RPTOR: variants seen among roughly 807,000 people sequenced by gnomAD.
The protein encoded by RPTOR is regulatory-associated protein of mTOR.
A neutral mutation model predicts 169.9 loss-of-function variants in RPTOR; 21 were observed. That is an observed-to-expected ratio of 0.12 (90% confidence interval 0.09 to 0.18). The LOEUF is 0.18. Ranked by LOEUF, RPTOR falls within the 10% of genes least tolerant of loss-of-function variation. RPTOR has a pLI of 1.00. For missense variants in RPTOR, 1,133 were observed against 1,855.9 expected (o/e 0.61, Z 7.16); for synonymous variants, 732 against 753.2 (o/e 0.97, Z 0.46).
At chr17:80,805,624 A>G (rs979683751) in intron 7 of RPTOR, 5 of 152,192 alleles carry the variant, frequency 3.3e-5, no homozygotes, top group Non-Finnish European at 1.5e-5. Flanking sequence ...GTGCTTCAAA[A>G]ATAAACATGG....
chr17:80,743,730 G>GC (rs1461556410), intron 5 of RPTOR, among the ~76,000 whole-genome samples: 1 of 139,500 alleles, frequency 7.2e-6, no homozygotes, highest in African/African-American at 2.8e-5. Context: ...TACGAGCACA[G>GC]CCCTGGCTAC....
chr17:80,842,697 G>A (rs148056518), intron 10 of RPTOR, among the ~76,000 whole-genome samples: 336 of 152,290 alleles, frequency 2.2e-3, no homozygotes, highest in Non-Finnish European at 3.8e-3. Context: ...CCGGCTTTTG[G>A]TATCCTGTTT....
At chr17:80,548,334 G>A (rs144651097) in intron 1 of RPTOR, among the ~76,000 whole-genome samples, 3 of 146,580 alleles carry the variant, frequency 2.0e-5, no homozygotes, top group East Asian at 4.0e-4. Context: ...AAAATGCTAG[G>A]ATTACAGGCA....
At chr17:80,634,567 CATACTGTGTGTGTGT>C (rs2065480995) in intron 2 of RPTOR, among the ~76,000 whole-genome samples, 1 of 97,846 alleles carries the variant, frequency 1.0e-5, no homozygotes, top group Non-Finnish European at 2.0e-5. Context: ...TGTGTGTGTG[CATACTGTGTGTGTGT>C]GCGTACTGTG....
intron 10 of RPTOR, among the ~76,000 whole-genome samples, chr17:80,840,654 AC>A (rs2067627390): frequency 1.1e-4 from 4 of 35,948 alleles, no homozygotes; most frequent in Admixed American, 4.2e-4. Flanking sequence ...GCTCACTCTC[AC>A]CACACCACAG....
chr17:80,665,438 CTTT>C (rs2065763767), intron 3 of RPTOR, among the ~76,000 whole-genome samples: 1 of 18,162 alleles, frequency 5.5e-5, no homozygotes, highest in Admixed American at 4.7e-4. Context: ...CTTTCCTTTC[CTTT>C]CCTTTCCTTT....
In RPTOR at chr17:80,947,127, G is replaced by GT; in HGVS notation, c.3141-94dup. 1.6e-6 allele frequency: 2 copies of GT among 1,252,886 alleles called. No homozygotes were observed. Among genetic ancestry groups the GT allele is most frequent in the Non-Finnish European group, 2.1e-6 (2 of 938,620 alleles). 77.6% of individuals were successfully genotyped at this position (1,252,886 alleles called of 1,614,324 possible). A position where few individuals can be genotyped will look rare whatever the true frequency, so the allele number is the denominator to read the frequency against. ...CCGCCGTGCCCGGCTGTGGTGTGTG[G>GT]TTTTTTGATAGCAGCCCGGTGGGTT... On this transcript the variant is annotated intron_variant, in intron 26 of 33. Coordinates refer to ENST00000306801, the MANE Select transcript of RPTOR (RefSeq NM_020761.3). The surrounding 1 kb of genome is among the most constrained non-coding windows in gnomAD (Gnocchi z 4.4).
At chr17:80,704,169 C>G (rs191112742) in intron 3 of RPTOR, among the ~76,000 whole-genome samples, 46 of 152,330 alleles carry the variant, frequency 3.0e-4, no homozygotes, top group Non-Finnish European at 6.0e-4. Flanking sequence ...CTAGCTACCT[C>G]TACTTCAGAC....
intron 5 of RPTOR, among the ~76,000 whole-genome samples, chr17:80,752,989 T>C (rs1003656171): frequency 5.3e-5 from 8 of 152,108 alleles, no homozygotes; most frequent in Admixed American, 3.3e-4. Context: ...ACAAGTCTCA[T>C]TGAAATAAAT....
chr17:80,602,023 G>C (rs1489941962), intron 1 of RPTOR, among the ~76,000 whole-genome samples: 1 of 36,240 alleles, frequency 2.8e-5, no homozygotes, highest in Non-Finnish European at 5.7e-5. Context: ...CACCTTTCCC[G>C]CCTTTCTATT....
In RPTOR at chr17:80,923,481, C is replaced by T. The variant is rs745953683; in HGVS notation, c.2625-9C>T. 4.6e-5 allele frequency: 75 copies of T among 1,613,634 alleles called. No individual in the cohort carries two copies. Among genetic ancestry groups the T allele is most frequent in the Non-Finnish European group, 6.2e-5 (73 of 1,179,972 alleles). On this transcript the variant is annotated splice_polypyrimidine_tract_variant and intron_variant, in intron 22 of 33. Coordinates refer to ENST00000306801, the MANE Select transcript of RPTOR (RefSeq NM_020761.3). ...GAGGATGCAGTGTTTGTTTTTCTTC[C>T]AATGGCAGGGGCTCCCCTCCGGCGT...
rs1316709955 is a variant in RPTOR at position 80,879,101 on chromosome 17, C to T, written c.1510-1314C>T. 2.6e-5 allele frequency among the ~76,000 whole-genome samples: 4 copies of T among 152,292 alleles called. No homozygotes were observed. The South Asian group carries it at 6.2e-4, about 24-fold the overall frequency. ...CGGCTGTGCGCGCCCCGGAGCAGCC[C>T]TGCTTGTGTCTCATCATCGATGCCT... On this transcript the variant is annotated intron_variant, in intron 13 of 33. Coordinates refer to ENST00000306801, the MANE Select transcript of RPTOR (RefSeq NM_020761.3).
In RPTOR at chr17:80,966,177, C is replaced by T. The variant is rs1243347003; in HGVS notation, c.*1847C>T. On this transcript the variant is annotated 3_prime_UTR_variant, in exon 34 of 34. Transcript: ENST00000306801. The stretch of plus-strand genomic sequence containing the variant: ...CCCCATGGGCACCGCGTGCCGCCTG[C>T]ACGTGGGCTGTCTTCACAGGTCTGA... The T allele has an allele frequency of 4.4e-6, 1 of 225,856 alleles. No individual in the cohort carries two copies. The highest frequency in any genetic ancestry group is 8.8e-6 in the Non-Finnish European group (1 of 113,474). 14.0% of individuals were successfully genotyped at this position (225,856 alleles called of 1,614,324 possible). A position where few individuals can be genotyped will look rare whatever the true frequency, so the allele number is the denominator to read the frequency against.
rs1008397341 is a variant in RPTOR at position 80,754,964 on chromosome 17, G to C, written c.830+779G>C. Among the ~76,000 whole-genome samples, 1 of 152,168 alleles carries C rather than the reference G, an allele frequency of 6.6e-6. No individual in the cohort carries two copies. The highest frequency in any genetic ancestry group is 2.4e-5 in the African/African-American group (1 of 41,436). On this transcript the variant is annotated intron_variant, in intron 6 of 33. Coordinates refer to ENST00000306801, the MANE Select transcript of RPTOR (RefSeq NM_020761.3). This position sits in a 1 kb window ranked among gnomAD's most constrained non-coding sequence, Gnocchi z 4.2. ...CACTCTTGAGGCTTCTGTCAAGATG[G>C]CCTAACACTCTAGACAAGTCTCCTG...
intron 3 of RPTOR, among the ~76,000 whole-genome samples, chr17:80,694,455 T>A (rs910948155): frequency 2.6e-5 from 4 of 152,168 alleles, no homozygotes; most frequent in African/African-American, 9.7e-5. Context: ...GGAGTGAGAG[T>A]GTCTTCCATA....
chr17:80,711,887 G>T (rs2066196385), intron 4 of RPTOR, among the ~76,000 whole-genome samples: 1 of 151,866 alleles, frequency 6.6e-6, no homozygotes, highest in Non-Finnish European at 1.5e-5. Flanking sequence ...GGGATTACAG[G>T]CGCCCGCCGC....
intron 5 of RPTOR, among the ~76,000 whole-genome samples, chr17:80,731,724 A>T (rs1173383710): frequency 6.6e-6 from 1 of 152,210 alleles, no homozygotes. Flanking sequence ...ATTTAGGAGC[A>T]AAAATGATCT....
chr17:80,813,265 G>A (rs2067291269), intron 7 of RPTOR, among the ~76,000 whole-genome samples: 1 of 152,198 alleles, frequency 6.6e-6, no homozygotes, highest in Admixed American at 6.5e-5. Flanking sequence ...GAGGCTGGAC[G>A]AGAATATCAC....
intron 3 of RPTOR, among the ~76,000 whole-genome samples, chr17:80,676,528 G>C (rs1057056377): frequency 1.3e-5 from 2 of 152,208 alleles, no homozygotes; most frequent in African/African-American, 4.8e-5. Flanking sequence ...GGCAGCACCA[G>C]CTCCTGGGTG....
Sources: allele counts gnomAD v4.1 joint callset (sites outside exome capture counted in the v4.1 genomes callset), GRCh38; gene constraint gnomAD v4.1.1; non-coding constraint Gnocchi (gnomAD v3.1); transcripts MANE v1.5; gene names NCBI Gene and HGNC (gene_info 2026-07-23, HGNC 2026-07-21).